Variants in YJU2B observed in about 807,000 individuals in gnomAD.
The protein encoded by YJU2B is probable splicing factor YJU2B.
YJU2B carries 18 observed loss-of-function variants against 38.0 expected under a neutral mutation model. The ratio of observed to expected loss-of-function variants is 0.47; its 90% CI spans 0.33 to 0.70. The LOEUF is 0.70. Among genes scored for constraint, YJU2B ranks in the 30% least tolerant of loss-of-function variants. The pLI is 0.02. For missense variants in YJU2B, 538 were observed against 556.3 expected (o/e 0.97, Z 0.33); for synonymous variants, 246 against 225.4 (o/e 1.09, Z -0.82).
intron 6 of YJU2B, 48 bp downstream of exon 6, chr19:13,757,894 G>A: frequency 6.6e-7 from 1 of 1,518,916 alleles, no homozygotes; most frequent in South Asian, 1.1e-5. Context: ...GTGGCCACAG[G>A]GCGAGGGGGC....
At chr19:13,741,476 G>T (rs1419445896) in intron 2 of YJU2B, among the ~76,000 whole-genome samples, 1 of 151,572 alleles carries the variant, frequency 6.6e-6, no homozygotes, top group Non-Finnish European at 1.5e-5. Flanking sequence ...TAAGAGATGG[G>T]GTCTTTCTTT....
chr19:13,747,434 C>G (rs1007273109), upstream of YJU2B, among the ~76,000 whole-genome samples: 1 of 152,184 alleles, frequency 6.6e-6, no homozygotes, highest in Admixed American at 6.5e-5. Flanking sequence ...CCCTGGAGTT[C>G]GAGACTAGCC....
intron 2 of YJU2B, among the ~76,000 whole-genome samples, chr19:13,738,651 G>A (rs1234409942): frequency 6.6e-6 from 1 of 152,034 alleles, no homozygotes; most frequent in Non-Finnish European, 1.5e-5. Flanking sequence ...CAGCACTTTG[G>A]GAGGCCGAGG....
In YJU2B at chr19:13,762,790, G is replaced by T; in HGVS notation, c.913G>T (p.Glu305Ter). The T allele has an allele frequency of 6.2e-7, 1 of 1,603,640 alleles. No homozygotes were observed. Among genetic ancestry groups the T allele is most frequent in the East Asian group, 2.3e-5 (1 of 44,268 alleles). ...IVRRRSRDVP[E>*]SPQHAADTPK... The stretch of plus-strand genomic sequence containing the variant: ...GCGGCGGAGGTCTCGGGACGTCCCG[G>T]AGAGCCCCCAGCATGCGGCCGACAC... The change falls in exon 10 of 10, where the codon GAG becomes TAG. Residue 305 changes from glutamate (E) to a stop codon, truncating the protein, a stop_gained. Transcript: ENST00000221554. LOFTEE classifies it low-confidence loss of function (END_TRUNC).
In YJU2B at chr19:13,762,595, G is replaced by A. The variant is rs574415490; in HGVS notation, c.718G>A (p.Glu240Lys). The A allele has an allele frequency of 8.7e-5, 133 of 1,528,358 alleles. 4 individuals carry two copies. The South Asian group carries it at 1.6e-3, about 19-fold the overall frequency. The allele number at this position is 1,528,358 out of a possible 1,614,324, so 94.7% of individuals were successfully genotyped here. The change falls in exon 10 of 10, where the codon GAG becomes AAG. Residue 240 changes from glutamate to lysine, a missense_variant. Glu to Lys is a moderately conservative substitution (Grantham distance 56). Transcript: ENST00000221554. ...LLKFHTLDSYEDKQKLKRTEI... is the reference protein window; with the variant it reads ...LLKFHTLDSYKDKQKLKRTEI... ...TGTCCTCTCCTCTCCTCTAGCCTAC[G>A]AGGACAAGCAGAAACTCAAGCGGAC...
chr19:13,761,749 TC>T (rs199877786), intron 8 of YJU2B, among the ~76,000 whole-genome samples: 6,934 of 114,140 alleles, frequency 0.061, 559 homozygotes, highest in African/African-American at 0.22. Context: ...TTTGAAACAG[TC>T]TCCCCCCTTT....
Position 13,763,139 on chromosome 19 carries a change from C to T in YJU2B, c.*71C>T, listed in dbSNP as rs545940239. ...CACCCAGGAGGCCCCTCACAGACTG[C>T]AGACCCCCGGCTCGCCCACCAGCCC... On this transcript the variant is annotated 3_prime_UTR_variant, in exon 10 of 10. Coordinates refer to ENST00000221554, the MANE Select transcript of YJU2B (RefSeq NM_030818.4). 49 of 1,327,384 alleles carry T rather than the reference C, an allele frequency of 3.7e-5. No individual in the cohort carries two copies. In the South Asian group the frequency reaches 6.5e-4, roughly 18 times the overall value. The allele number at this position is 1,327,384 out of a possible 1,614,324, so 82.2% of individuals were successfully genotyped here. A position where few individuals can be genotyped will look rare whatever the true frequency, so the allele number is the denominator to read the frequency against.
chr19:13,756,562 C>T (rs567832315), intron 4 of YJU2B, among the ~76,000 whole-genome samples: 1 of 152,276 alleles, frequency 6.6e-6, no homozygotes, highest in South Asian at 2.1e-4. Flanking sequence ...TCAGAGTTGG[C>T]TGGCTGGGGA....
In YJU2B at chr19:13,757,450, G is replaced by A; in HGVS notation, c.173G>A (p.Gly58Asp). 7 of 1,614,022 alleles carry A rather than the reference G, an allele frequency of 4.3e-6. No homozygotes were observed. The highest frequency in any genetic ancestry group is 5.9e-6 in the Non-Finnish European group (7 of 1,179,980). Residue 58 changes from glycine to aspartate, a missense_variant, in exon 5 of 10, where the codon GGC becomes GAC. Physicochemically the swap from Gly to Asp is moderately conservative, Grantham distance 94 (BLOSUM62 -1). Around this residue, in one of 2 missense-constraint regions of YJU2B, gnomAD observed 50 missense variants for 86.9 expected, o/e 0.58. Coordinates refer to ENST00000221554, the MANE Select transcript of YJU2B (RefSeq NM_030818.4). ...FEMPYNIWCD[G>D]CKNHIGMGVR... is the part of the protein sequence containing the mutation. ...ATGCCATATAACATCTGGTGCGATGGCTGCAAGAACCACATCGGCATGGGT... is the reference window on the plus strand; with the variant it reads ...ATGCCATATAACATCTGGTGCGATGACTGCAAGAACCACATCGGCATGGGT...
At chr19:13,762,094 C>T (rs1010780195) in intron 8 of YJU2B, among the ~76,000 whole-genome samples, 3 of 152,124 alleles carry the variant, frequency 2.0e-5, no homozygotes, top group African/African-American at 7.2e-5. Context: ...ACTTGGGAGG[C>T]TGACATGAGA....
At chr19:13,734,210 G>A (rs1409808738) in intron 2 of YJU2B, among the ~76,000 whole-genome samples, 2 of 152,076 alleles carry the variant, frequency 1.3e-5, no homozygotes, top group Non-Finnish European at 2.9e-5. Context: ...TTACAGGCGT[G>A]AGCCAGCACG....
chr19:13,744,011 T>C (rs1166543436), upstream of YJU2B, among the ~76,000 whole-genome samples: 1 of 152,028 alleles, frequency 6.6e-6, no homozygotes, highest in Non-Finnish European at 1.5e-5. Context: ...GCCAGCATAG[T>C]GAAACCTCGT....
At chr19:13,742,597 T>C (rs1272913891) in intron 2 of YJU2B, among the ~76,000 whole-genome samples, 1 of 152,194 alleles carries the variant, frequency 6.6e-6, no homozygotes, top group Non-Finnish European at 1.5e-5. Flanking sequence ...CCTGTATCAA[T>C]TCCTTTGGCC....
intron 2 of YJU2B, among the ~76,000 whole-genome samples, chr19:13,752,275 A>AT (rs1035131908): frequency 1.4e-4 from 13 of 92,458 alleles, no homozygotes; most frequent in South Asian, 3.1e-4. Flanking sequence ...TCTTTCTTTC[A>AT]TTTTTTTTTA....
rs3059652 is a variant in YJU2B, at chr19:13,759,579, ACCCC to A, written c.573+313_573+316del. On this transcript the variant is annotated intron_variant, in intron 8 of 9. Transcript: ENST00000221554. ...AGCCTGGGCAACATAGTGAGACACC[ACCCC>A]CCCCCTCCCCCAGCATCTCTAAATA... 13 of 220,248 alleles carry A rather than the reference ACCCC, an allele frequency of 5.9e-5. 1 individual carries two copies. The Admixed American group carries it at 7.2e-4, about 12-fold the overall frequency. 13.6% of individuals were successfully genotyped at this position (220,248 alleles called of 1,614,324 possible).
upstream of YJU2B, among the ~76,000 whole-genome samples, chr19:13,746,244 C>A (rs984127595): frequency 6.6e-6 from 1 of 150,654 alleles, no homozygotes; most frequent in African/African-American, 2.4e-5. Context: ...AGTGAGACTC[C>A]GACTCAAAAA....
chr19:13,742,898 A>T (rs418005), upstream of YJU2B, among the ~76,000 whole-genome samples: 2 of 151,906 alleles, frequency 1.3e-5, no homozygotes, highest in Non-Finnish European at 2.9e-5. Context: ...CCTGGGGATC[A>T]GCGAGCATGC....
intron 8 of YJU2B, among the ~76,000 whole-genome samples, chr19:13,760,543 C>G (rs1599536965): frequency 6.6e-6 from 1 of 152,148 alleles, no homozygotes; most frequent in East Asian, 1.9e-4. Flanking sequence ...TAGCTCACCC[C>G]TACCTCACCA....
chr19:13,746,802 G>C (rs566337985), upstream of YJU2B, among the ~76,000 whole-genome samples: 3 of 152,224 alleles, frequency 2.0e-5, no homozygotes, highest in Non-Finnish European at 4.4e-5. Context: ...AGCTACTCGG[G>C]AGGCTGAGGC....
Sources: gnomAD v4.1 joint callset for allele counts (sites outside exome capture counted in the v4.1 genomes callset) on GRCh38, gnomAD v4.1.1 for gene constraint, gnomAD v4.1.1 regional missense constraint, MANE v1.5 for transcripts, NCBI Gene and HGNC (gene_info 2026-07-23, HGNC 2026-07-21) for gene names.